ST7L: variants seen among roughly 807,000 people sequenced by gnomAD.
The protein encoded by ST7L is suppressor of tumorigenicity 7 protein-like.
Under a neutral mutation model 72.5 loss-of-function variants are expected in ST7L, and 57 were observed. The ratio of observed to expected loss-of-function variants is 0.79; its 90% confidence interval spans 0.64 to 0.98. The LOEUF (loss-of-function observed/expected upper bound fraction) is 0.98, where lower values mean the gene tolerates loss of function less well. ST7L is among the 50% of genes least tolerant of loss of function. ST7L has a pLI of 0.00. For missense variants in ST7L, 576 were observed against 672.2 expected (o/e 0.86, Z 1.58); for synonymous variants, 221 against 240.9 (o/e 0.92, Z 0.77).
intron 13 of ST7L, among the ~76,000 whole-genome samples, chr1:112,548,336 C>A (rs1015352406): frequency 2.0e-5 from 3 of 152,088 alleles, no homozygotes; most frequent in African/African-American, 7.2e-5. Flanking sequence ...CCAGTCAGGG[C>A]AACAAGGACG....
At chr1:112,610,774 T>C (rs1376147455) in intron 3 of ST7L, 67 bp downstream of exon 3, 1 of 1,559,900 alleles carries the variant, frequency 6.4e-7, no homozygotes, top group Non-Finnish European at 8.7e-7. Flanking sequence ...TTTTGAGTTT[T>C]CTATCTCCCA....
intron 11 of ST7L, among the ~76,000 whole-genome samples, chr1:112,568,489 A>G (rs1419777675): frequency 6.6e-6 from 1 of 150,774 alleles, no homozygotes. Flanking sequence ...GGCGCCCACC[A>G]CCATGCCTGG....
At chr1:112,591,681 G>A (rs1665749399) in intron 5 of ST7L, 78 bp from the exon 6 acceptor site, 2 of 1,052,208 alleles carry the variant, frequency 1.9e-6, no homozygotes, top group Non-Finnish European at 2.8e-6. Context: ...AGGTAGTGGA[G>A]TAAGCAAAGC....
intron 3 of ST7L, among the ~76,000 whole-genome samples, chr1:112,608,163 GGTGCGTATTACT>G (rs1449380871): frequency 6.6e-6 from 1 of 152,118 alleles, no homozygotes; most frequent in Admixed American, 6.6e-5. Context: ...TGGAACTACA[GGTGCGTATTACT>G]GTGCCCAACT....
Position 112,579,176 on chromosome 1 carries a change from A to G in ST7L, c.1070-759T>C, listed in dbSNP as rs553208912. Among the ~76,000 whole-genome samples, 38 of 152,196 alleles carry G rather than the reference A, an allele frequency of 2.5e-4. No individual in the cohort carries two copies. The South Asian group carries it at 7.9e-3, about 32-fold the overall frequency. On this transcript the variant is annotated intron_variant, in intron 9 of 14. Transcript: ENST00000358039. The stretch of plus-strand genomic sequence containing the variant: ...GAGGTGGGTGGATCACGAGGTCAGG[A>G]GTTCGAGACCAACCTGGCCAACATA...
At chr1:112,597,350 C>T (rs184649279) in intron 5 of ST7L, among the ~76,000 whole-genome samples, 52 of 152,310 alleles carry the variant, frequency 3.4e-4, no homozygotes, top group Admixed American at 1.6e-3. Context: ...CACAGTGGCT[C>T]ATGCCTATAA....
downstream of ST7L, chr1:112,521,754 G>A (rs1652895052): frequency 6.6e-6 from 1 of 152,168 alleles, no homozygotes. Context: ...TGCAGTAGTG[G>A]AATCTCCAGA....
intron 13 of ST7L, among the ~76,000 whole-genome samples, chr1:112,544,359 A>G (rs1656719305): frequency 6.6e-6 from 1 of 152,264 alleles, no homozygotes; most frequent in East Asian, 1.9e-4. Flanking sequence ...TTCAGAAAGT[A>G]TATACCAAAA....
intron 11 of ST7L, among the ~76,000 whole-genome samples, chr1:112,564,973 T>C (rs1660742088): frequency 6.6e-6 from 1 of 151,508 alleles, no homozygotes; most frequent in Non-Finnish European, 1.5e-5. Flanking sequence ...AGTCTCCAGG[T>C]ATAGTCTACT....
intron 11 of ST7L, chr1:112,570,598 C>A: frequency 3.6e-6 from 1 of 279,460 alleles, no homozygotes; most frequent in Non-Finnish European, 6.8e-6. Flanking sequence ...TGAAATGTCA[C>A]TGTTCCTTAG....
At position 112,591,423 on chromosome 1, in the gene ST7L, C is replaced by T. The variant is rs979901254; in HGVS notation, c.701+102G>A. Reference sequence around the variant, plus strand: ...TCTATAACATGCAAAAAGGAAATGACTAATGACTCCAAGTGTCTTAGGAAC... The same window carrying T: ...TCTATAACATGCAAAAAGGAAATGATTAATGACTCCAAGTGTCTTAGGAAC... On this transcript the variant is annotated intron_variant, in intron 6 of 14. Coordinates refer to ENST00000358039, the MANE Select transcript of ST7L (RefSeq NM_017744.5). 1.1e-5 allele frequency: 10 copies of T among 909,972 alleles called. No individual in the cohort carries two copies. In the African/African-American group the frequency reaches 1.6e-4, roughly 14 times the overall value. 56.4% of individuals were successfully genotyped at this position (909,972 alleles called of 1,614,324 possible). A position where few individuals can be genotyped will look rare whatever the true frequency, so the allele number is the denominator to read the frequency against.
downstream of ST7L, chr1:112,521,112 A>G (rs1652844339): frequency 6.5e-6 from 1 of 152,972 alleles, no homozygotes; most frequent in African/African-American, 2.4e-5. Flanking sequence ...AATCATAACA[A>G]TACAAACACA....
chr1:112,560,887 C>T (rs753813857), intron 11 of ST7L, among the ~76,000 whole-genome samples: 2 of 151,360 alleles, frequency 1.3e-5, no homozygotes, highest in Non-Finnish European at 1.5e-5. Flanking sequence ...TGCTTGAACC[C>T]GGGAGGCAGG....
rs577353527 is a variant in ST7L at position 112,559,903 on chromosome 1, G to A, written c.1246-3885C>T. ...CTGAGGCAGATAACTGCTTGAAGCC[G>A]GGCGGTGGCAGTTGCAGTGAGCCGA... On this transcript the variant is annotated intron_variant, in intron 11 of 14. Coordinates refer to ENST00000358039, the MANE Select transcript of ST7L (RefSeq NM_017744.5). 8.6e-5 allele frequency among the ~76,000 whole-genome samples: 13 copies of A among 151,632 alleles called. No individual in the cohort carries two copies. In the East Asian group the frequency reaches 2.0e-3, roughly 23 times the overall value.
At chr1:112,554,397 A>G (rs1356184490) in intron 12 of ST7L, among the ~76,000 whole-genome samples, 1 of 152,142 alleles carries the variant, frequency 6.6e-6, no homozygotes, top group Non-Finnish European at 1.5e-5. Context: ...AATGCAAAAC[A>G]CCACCACAAT....
intron 13 of ST7L, among the ~76,000 whole-genome samples, chr1:112,542,517 G>C (rs916882538): frequency 6.6e-6 from 1 of 152,116 alleles, no homozygotes; most frequent in Non-Finnish European, 1.5e-5. Context: ...CAGCGCTTTG[G>C]GGGGCCAAAG....
intron 1 of ST7L, chr1:112,618,010 C>T: frequency 7.7e-7 from 1 of 1,304,000 alleles, no homozygotes; most frequent in Non-Finnish European, 1.0e-6. Flanking sequence ...AACTCACAGT[C>T]TTTCATGTCA....
rs530541165 is a variant in ST7L at position 112,540,142 on chromosome 1, T to A, written c.1629+1809A>T. ...AACATTAATTGTAGCTTGCACCCCA[T>A]GGAAATATACTACTAACAGTTGGTA... On this transcript the variant is annotated intron_variant, in intron 14 of 14. Transcript: ENST00000358039. 8 of 985,350 alleles carry A rather than the reference T, an allele frequency of 8.1e-6. No individual in the cohort carries two copies. In the African/African-American group the frequency reaches 1.2e-4, roughly 15 times the overall value. The allele number at this position is 985,350 out of a possible 1,614,324, so 61.0% of individuals were successfully genotyped here. A position where few individuals can be genotyped will look rare whatever the true frequency, so the allele number is the denominator to read the frequency against.
intron 12 of ST7L, among the ~76,000 whole-genome samples, chr1:112,554,587 A>G (rs570301026): frequency 1.6e-4 from 25 of 152,300 alleles, no homozygotes; most frequent in African/African-American, 6.0e-4. Context: ...AAAATTAAAC[A>G]TAGAATTTTA....
Sources: gnomAD v4.1 joint callset for allele counts (sites outside exome capture counted in the v4.1 genomes callset) on GRCh38, gnomAD v4.1.1 for gene constraint, MANE v1.5 for transcripts, NCBI Gene and HGNC (gene_info 2026-07-23, HGNC 2026-07-21) for gene names.